CD9: variants seen among roughly 807,000 people sequenced by gnomAD.
The protein encoded by CD9 is CD9 antigen.
Under a neutral mutation model 31.4 loss-of-function variants are expected in CD9, and 10 were observed. The observed-to-expected ratio is 0.32, with a 90% CI of 0.20 to 0.54. The LOEUF (loss-of-function observed/expected upper bound fraction) is 0.54, where lower values mean the gene tolerates loss of function less well. Among genes scored for constraint, CD9 ranks in the 20% least tolerant of loss-of-function variants. The pLI is 0.94. For synonymous variants in CD9, 113 were observed against 114.1 expected (o/e 0.99, Z 0.06); for missense variants, 259 against 300.1 (o/e 0.86, Z 1.01).
intron 6 of CD9, 25 bp from the exon 7 acceptor site, chr12:6,236,167 C>T: frequency 6.2e-7 from 1 of 1,613,714 alleles, no homozygotes; most frequent in Non-Finnish European, 8.5e-7. Flanking sequence ...TGTGTGTGAC[C>T]CAGGTCTTGG....
chr12:6,209,679 C>CTTTTTT (rs71064199), intron 1 of CD9, among the ~76,000 whole-genome samples: 2 of 132,612 alleles, frequency 1.5e-5, no homozygotes, highest in African/African-American at 5.8e-5. Flanking sequence ...CTGCAAATTT[C>CTTTTTT]TTTTTTTTTT....
At chr12:6,228,826 G>A (rs11568254) in intron 2 of CD9, among the ~76,000 whole-genome samples, 41 of 152,290 alleles carry the variant, frequency 2.7e-4, no homozygotes, top group African/African-American at 7.9e-4. Context: ...TGGGGTGACC[G>A]CCCCTTGCAC....
At chr12:6,222,686 CAT>C (rs1468695291) in intron 1 of CD9, among the ~76,000 whole-genome samples, 1 of 152,222 alleles carries the variant, frequency 6.6e-6, no homozygotes, top group Admixed American at 6.5e-5. Context: ...CTGGACTTAA[CAT>C]ATTGGCTCAG....
chr12:6,237,808 A>G lies in CD9; in HGVS notation c.667A>G (p.Arg223Gly). 1 of 1,613,166 alleles carries G rather than the reference A, an allele frequency of 6.2e-7. No individual in the cohort carries two copies. The highest frequency in any genetic ancestry group is 8.5e-7 in the Non-Finnish European group (1 of 1,179,132). The change falls in exon 8 of 8, where the codon AGG becomes GGG. Residue 223 changes from arginine (R) to glycine (G), a missense_variant. Physicochemically the swap from Arg to Gly is moderately radical, Grantham distance 125. Coordinates refer to ENST00000009180, the MANE Select transcript of CD9 (RefSeq NM_001769.4). The stretch of plus-strand genomic sequence containing the variant: ...TATGATCTTGTGCTGTGCTATCCGC[A>G]GGAACCGCGAGATGGTCTAGAGTCA... The part of the protein sequence containing the change: ...FSMILCCAIR[R>G]NREMV
chr12:6,232,474 A>C lies in CD9; in HGVS notation c.176-158A>C. On this transcript the variant is annotated intron_variant, in intron 2 of 7. Transcript: ENST00000009180. The surrounding 1 kb of genome is among the most constrained non-coding windows in gnomAD (Gnocchi z 4.8). ...AGACCTGGGGCAGAGGTGGAAGAGG[A>C]GGCTGTATTTTAAGGAAAGGGAACT... 1 of 655,946 alleles carries C rather than the reference A, an allele frequency of 1.5e-6. No individual in the cohort carries two copies. Among genetic ancestry groups the C allele is most frequent in the East Asian group, 2.7e-5 (1 of 36,902 alleles). The allele number at this position is 655,946 out of a possible 1,614,324, so 40.6% of individuals were successfully genotyped here. A position where few individuals can be genotyped will look rare whatever the true frequency, so the allele number is the denominator to read the frequency against.
Position 6,232,395 on chromosome 12 carries a change from G to T in CD9, c.176-237G>T. On this transcript the variant is annotated intron_variant, in intron 2 of 7. Coordinates refer to ENST00000009180, the MANE Select transcript of CD9 (RefSeq NM_001769.4). This position sits in a 1 kb window ranked among gnomAD's most constrained non-coding sequence, Gnocchi z 4.8. ...ACCTTCCAGAAGGGCTGAGGGTAAG[G>T]TAGGAGCGTGAGCTTGATGAAGCAG... is the stretch of plus-strand genomic sequence containing the variant. 3.4e-6 allele frequency: 2 copies of T among 589,782 alleles called. No homozygotes were observed. Among genetic ancestry groups the T allele is most frequent in the Non-Finnish European group, 3.0e-6 (1 of 330,386 alleles). 36.5% of individuals were successfully genotyped at this position (589,782 alleles called of 1,614,324 possible).
chr12:6,235,588 G>T, intron 6 of CD9, 23 bp downstream of exon 6: 2 of 1,596,420 alleles, frequency 1.3e-6, no homozygotes, highest in Non-Finnish European at 8.6e-7. Flanking sequence ...CAGGATCCTG[G>T]TGTCCCTGCC....
rs974895482 is a variant in CD9, at chr12:6,236,352, G to A, written c.621+77G>A. ...TCAGCCCATGCTCTACCCAGACACC[G>A]CCGCACTCTGTGCATTTGTCAACTC... On this transcript the variant is annotated intron_variant, in intron 7 of 7. Coordinates refer to ENST00000009180, the MANE Select transcript of CD9 (RefSeq NM_001769.4). 61 of 1,276,834 alleles carry A rather than the reference G, an allele frequency of 4.8e-5. No homozygotes were observed. The African/African-American group carries it at 6.6e-4, about 14-fold the overall frequency. 79.1% of individuals were successfully genotyped at this position (1,276,834 alleles called of 1,614,324 possible).
chr12:6,229,872 A>G (rs1946421555), intron 2 of CD9, among the ~76,000 whole-genome samples: 1 of 151,664 alleles, frequency 6.6e-6, no homozygotes, highest in Non-Finnish European at 1.5e-5. Context: ...AAAGCAGAAT[A>G]AACAACCCTT....
intron 1 of CD9, among the ~76,000 whole-genome samples, chr12:6,221,751 G>A (rs1025778590): frequency 2.7e-5 from 4 of 150,102 alleles, no homozygotes; most frequent in African/African-American, 9.8e-5. Flanking sequence ...TGAGGCAGGA[G>A]GATTGCTTGA....
intron 2 of CD9, among the ~76,000 whole-genome samples, chr12:6,231,215 TTAA>T (rs1297632180): frequency 6.6e-6 from 1 of 152,260 alleles, no homozygotes; most frequent in Non-Finnish European, 1.5e-5. Flanking sequence ...ATGGTGATTA[TTAA>T]TGATTGTTAC....
chr12:6,219,783 C>T (rs147229206), intron 1 of CD9, among the ~76,000 whole-genome samples: 44 of 152,308 alleles, frequency 2.9e-4, no homozygotes, highest in African/African-American at 1.0e-3. Flanking sequence ...CTGCGCCTGG[C>T]CTCTTTGTGG....
intron 2 of CD9, among the ~76,000 whole-genome samples, chr12:6,230,477 A>ATGTCTGCCTG (rs1444006345): frequency 6.6e-6 from 1 of 152,212 alleles, no homozygotes; most frequent in African/African-American, 2.4e-5. Flanking sequence ...TAGAGAAAAC[A>ATGTCTGCCTG]TGTCTGCCTG....
intron 1 of CD9, 86 bp downstream of exon 1, chr12:6,200,651 A>T: frequency 1.1e-6 from 1 of 882,426 alleles, no homozygotes; most frequent in Non-Finnish European, 1.9e-6. Context: ...GAGTGCCGGC[A>T]GCTGGCACTG....
intron 1 of CD9, among the ~76,000 whole-genome samples, chr12:6,220,581 T>C (rs968191395): frequency 1.3e-5 from 2 of 152,208 alleles, no homozygotes; most frequent in Non-Finnish European, 2.9e-5. Context: ...TAGGGAGACC[T>C]GTCTGTGTCT....
chr12:6,200,609 G>A (rs1360190291), intron 1 of CD9, 44 bp downstream of exon 1: 10 of 1,379,176 alleles, frequency 7.3e-6, no homozygotes, highest in African/African-American at 1.4e-5. Context: ...GGGCCCACCT[G>A]TTCGCGGGCC....
chr12:6,222,267 G>A (rs1236617810), intron 1 of CD9, among the ~76,000 whole-genome samples: 4 of 152,140 alleles, frequency 2.6e-5, no homozygotes, highest in Non-Finnish European at 1.5e-5. Flanking sequence ...CCCCCGGCCG[G>A]TGAACTCAGT....
chr12:6,217,363 A>C (rs1946253365), intron 1 of CD9, among the ~76,000 whole-genome samples: 1 of 151,876 alleles, frequency 6.6e-6, no homozygotes, highest in Non-Finnish European at 1.5e-5. Context: ...CTCTACAAAA[A>C]AAATAAGAAA....
intron 1 of CD9, among the ~76,000 whole-genome samples, chr12:6,212,447 A>G (rs1208821599): frequency 6.6e-6 from 1 of 152,186 alleles, no homozygotes; most frequent in Non-Finnish European, 1.5e-5. Flanking sequence ...AATGGCCTGC[A>G]CCAGCCTGAG....
Sources: allele counts gnomAD v4.1 joint callset (sites outside exome capture counted in the v4.1 genomes callset), GRCh38; gene constraint gnomAD v4.1.1; non-coding constraint Gnocchi (gnomAD v3.1); transcripts MANE v1.5; gene names NCBI Gene and HGNC (gene_info 2026-07-23, HGNC 2026-07-21).